The following BMPR2 variants were observed in gnomAD, a reference collection of about 807,000 sequenced individuals.
BMPR2 encodes bone morphogenetic protein receptor type 2.
In BMPR2, 29 loss-of-function variants were observed where a neutral mutation model predicts 100.8. The ratio of observed to expected loss-of-function variants is 0.29; its 90% confidence interval spans 0.21 to 0.39. BMPR2 has a LOEUF of 0.39. Among genes scored for constraint, BMPR2 ranks in the 10% least tolerant of loss-of-function variants. BMPR2 has a pLI of 1.00. For synonymous variants in BMPR2, 382 were observed against 442.3 expected, an observed-to-expected ratio of 0.86 and a Z score of 1.71; for missense variants, 1,011 against 1,274.5, an observed-to-expected ratio of 0.79 and a Z score of 3.15.
intron 12 of BMPR2, among the ~76,000 whole-genome samples, chr2:202,558,893 A>G (rs1271207930): frequency 2.5e-5 from 2 of 79,108 alleles, no homozygotes; most frequent in East Asian, 4.7e-4. Context: ...ACTCCATCTC[A>G]AAAAAAAAAA....
intron 1 of BMPR2, among the ~76,000 whole-genome samples, chr2:202,385,156 T>C (rs1690400473): frequency 6.6e-6 from 1 of 152,088 alleles, no homozygotes; most frequent in South Asian, 2.1e-4. Context: ...TCTATTATTA[T>C]TAATCTGTGT....
chr2:202,394,546 A>G (rs1690621271), intron 1 of BMPR2, among the ~76,000 whole-genome samples: 1 of 151,958 alleles, frequency 6.6e-6, no homozygotes. Flanking sequence ...TTTTACATAC[A>G]TTTTCCTTAG....
intron 1 of BMPR2, among the ~76,000 whole-genome samples, chr2:202,447,546 C>T (rs1171811514): frequency 6.7e-6 from 1 of 150,224 alleles, no homozygotes; most frequent in East Asian, 1.9e-4. Context: ...ACAGGCATGG[C>T]GGCATGTGCC....
At chr2:202,393,931 G>GAGAGAGAGAGAGAT (rs1367568037) in intron 1 of BMPR2, among the ~76,000 whole-genome samples, 1 of 123,860 alleles carries the variant, frequency 8.1e-6, no homozygotes, top group South Asian at 2.5e-4. Flanking sequence ...GAGAGAGAGA[G>GAGAGAGAGAGAGAT]AGATTCCTGT....
At chr2:202,458,849 T>G (rs908301317) in intron 1 of BMPR2, among the ~76,000 whole-genome samples, 2 of 152,154 alleles carry the variant, frequency 1.3e-5, no homozygotes, top group African/African-American at 2.4e-5. Context: ...TTCTAAAAAG[T>G]TTTTATAGAG....
rs370630387 is a variant in BMPR2, at chr2:202,519,856, A to G, written c.853-231A>G. 2.5e-4 allele frequency among the ~76,000 whole-genome samples: 38 copies of G among 152,322 alleles called. 1 individual carries two copies. Among genetic ancestry groups the G allele is most frequent in the Admixed American group, 1.4e-3 (21 of 15,302 alleles). On this transcript the variant is annotated intron_variant, in intron 6 of 12. Transcript: ENST00000374580. ...ATAATCATTCATAATTTTTAATATTAGAGACATAAAAATTTATAATGTTTA... is the reference window on the plus strand; with the variant it reads ...ATAATCATTCATAATTTTTAATATTGGAGACATAAAAATTTATAATGTTTA...
intron 9 of BMPR2, among the ~76,000 whole-genome samples, chr2:202,534,563 G>T (rs536398926): frequency 0.012 from 1,887 of 152,288 alleles, 15 homozygotes; most frequent in Non-Finnish European, 0.017. Context: ...GTTTCAGAGA[G>T]CACAGGGTTG....
intron 1 of BMPR2, among the ~76,000 whole-genome samples, chr2:202,441,760 G>A (rs1199581253): frequency 1.4e-5 from 2 of 147,064 alleles, no homozygotes; most frequent in East Asian, 3.9e-4. Flanking sequence ...GTGGCCAGGC[G>A]TGGTGGCTCA....
chr2:202,405,104 C>T (rs1284604729), intron 1 of BMPR2, among the ~76,000 whole-genome samples: 5 of 152,166 alleles, frequency 3.3e-5, no homozygotes, highest in South Asian at 2.1e-4. Context: ...ATTACGGGCA[C>T]GAGCCATCTC....
intron 1 of BMPR2, among the ~76,000 whole-genome samples, chr2:202,394,532 G>C (rs916031023): frequency 6.6e-6 from 1 of 152,102 alleles, no homozygotes; most frequent in Non-Finnish European, 1.5e-5. Context: ...GTGAAATGCA[G>C]TGTTTTTACA....
At chr2:202,530,709 ATAC>A in intron 7 of BMPR2, 82 bp from the exon 8 acceptor site, 2 of 1,241,732 alleles carry the variant, frequency 1.6e-6, no homozygotes, top group East Asian at 5.1e-5. Context: ...CAGAAAAATA[ATAC>A]TACTTCTATA....
chr2:202,527,718 C>T (rs1374577030), intron 7 of BMPR2, among the ~76,000 whole-genome samples: 3 of 151,004 alleles, frequency 2.0e-5, no homozygotes, highest in East Asian at 2.0e-4. Flanking sequence ...ACCCGGGAAG[C>T]GGAGCTTGCA....
chr2:202,528,219 G>A (rs914529130), intron 7 of BMPR2, among the ~76,000 whole-genome samples: 2 of 152,162 alleles, frequency 1.3e-5, no homozygotes, highest in Non-Finnish European at 2.9e-5. Context: ...ATGGAGTCTC[G>A]CTCTGTCGCC....
intron 10 of BMPR2, among the ~76,000 whole-genome samples, chr2:202,546,406 G>C (rs201838111): frequency 6.6e-6 from 1 of 152,100 alleles, no homozygotes; most frequent in East Asian, 1.9e-4. Flanking sequence ...GCATAGTTTA[G>C]TCAATAAAGG....
intron 3 of BMPR2, among the ~76,000 whole-genome samples, chr2:202,504,557 G>A (rs922140770): frequency 1.3e-5 from 2 of 152,078 alleles, no homozygotes; most frequent in South Asian, 2.1e-4. Flanking sequence ...CACTCACTGC[G>A]AGGGTCCGTG....
intron 3 of BMPR2, among the ~76,000 whole-genome samples, chr2:202,470,948 A>G (rs955017466): frequency 6.6e-6 from 1 of 152,104 alleles, no homozygotes; most frequent in African/African-American, 2.4e-5. Flanking sequence ...AGTCCCAGCT[A>G]CTTGAGAGGC....
chr2:202,424,824 A>T (rs1691353468), intron 1 of BMPR2, among the ~76,000 whole-genome samples: 1 of 152,240 alleles, frequency 6.6e-6, no homozygotes, highest in Admixed American at 6.5e-5. Context: ...CAATGTCTTT[A>T]CAAGGTTGGC....
At chr2:202,498,315 C>T (rs1693087421) in intron 3 of BMPR2, among the ~76,000 whole-genome samples, 1 of 152,212 alleles carries the variant, frequency 6.6e-6, no homozygotes, top group Non-Finnish European at 1.5e-5. Context: ...TCCGACCTTC[C>T]TCCGTCCTCC....
chr2:202,444,634 AC>A (rs1157838921), intron 1 of BMPR2, among the ~76,000 whole-genome samples: 1 of 150,808 alleles, frequency 6.6e-6, no homozygotes, highest in Non-Finnish European at 1.5e-5. Context: ...CTATACATGT[AC>A]TAAAATGTTC....
Sources: gnomAD v4.1 joint callset for allele counts (sites outside exome capture counted in the v4.1 genomes callset) on GRCh38, gnomAD v4.1.1 for gene constraint, MANE v1.5 for transcripts, NCBI Gene and HGNC (gene_info 2026-07-23, HGNC 2026-07-21) for gene names.